Variants in DOCK11 observed in about 807,000 individuals in gnomAD.
DOCK11 encodes dedicator of cytokinesis 11.
DOCK11 carries 70 observed loss-of-function variants against 169.1 expected under a neutral mutation model. The ratio of observed to expected loss-of-function variants is 0.41; its 90% CI spans 0.34 to 0.51. The LOEUF (loss-of-function observed/expected upper bound fraction) is 0.51. DOCK11 is among the 20% of genes least tolerant of loss of function. The pLI is 0.10. For synonymous variants in DOCK11, 529 were observed against 541.3 expected, an observed-to-expected ratio of 0.98 and a Z score of 0.32; for missense variants, 1,166 against 1,538.8, an observed-to-expected ratio of 0.76 and a Z score of 4.05.
chrX:118,653,290 G>A (rs1269458997), intron 42 of DOCK11, among the ~76,000 whole-genome samples: 3 of 111,643 alleles, frequency 2.7e-5, no homozygotes, highest in African/African-American at 9.8e-5. Flanking sequence ...ACCCTATTAC[G>A]AAAAGATACA....
chrX:118,636,980 TTAGAGA>T (rs1207868937), intron 36 of DOCK11, among the ~76,000 whole-genome samples: 1 of 111,857 alleles, frequency 8.9e-6, no homozygotes, highest in Non-Finnish European at 1.9e-5. Flanking sequence ...AAAAGAAAAA[TTAGAGA>T]TAGAATGAAA....
chrX:118,620,721 G>A (rs1603125787), intron 31 of DOCK11, among the ~76,000 whole-genome samples: 1 of 112,244 alleles, frequency 8.9e-6, no homozygotes. Context: ...AATCAAGCTT[G>A]GTCAAGCCTT....
intron 52 of DOCK11, 140 bp downstream of exon 52, chrX:118,683,357 C>A: frequency 1.5e-6 from 1 of 646,551 alleles, no homozygotes; most frequent in East Asian, 3.8e-5. Context: ...TATCTTTAAT[C>A]ATTTAAGTGA....
In DOCK11 at chrX:118,683,066, T is replaced by C. The variant is rs367604887; in HGVS notation, c.5964-13T>C. The C allele has an allele frequency of 2.8e-5, 34 of 1,195,070 alleles. No individual in the cohort carries two copies. The highest frequency in any genetic ancestry group is 3.5e-5 in the Non-Finnish European group (31 of 887,900). On this transcript the variant is annotated splice_polypyrimidine_tract_variant and intron_variant, in intron 51 of 52. Transcript: ENST00000276202. ...TAAATAACAAGACCTTTATCTTTGA[T>C]ATTCATCCACAGGAAATTTATACAA... is the stretch of plus-strand genomic sequence containing the variant.
chrX:118,605,470 A>G, intron 24 of DOCK11, 114 bp downstream of exon 24: 1 of 474,325 alleles, frequency 2.1e-6, no homozygotes, highest in Non-Finnish European at 3.5e-6. Flanking sequence ...TGCATTCCAT[A>G]GGTTTTGGTA....
chrX:118,608,360 T>C lies in DOCK11; in HGVS notation c.2877+4T>C. ...ATCAATAAACAAATTGCTAAAGGTA[T>C]GAACACAGGACACAACAAGGAACAA... On this transcript the variant is annotated splice_donor_region_variant and intron_variant, in intron 26 of 52. Coordinates refer to ENST00000276202, the MANE Select transcript of DOCK11 (RefSeq NM_144658.4). The C allele has an allele frequency of 8.3e-7, 1 of 1,201,293 alleles. No homozygotes were observed.
At position 118,599,152 on chromosome X, in the gene DOCK11, A is replaced by G. The variant is rs779752721; in HGVS notation, c.2486A>G (p.His829Arg). 8.3e-7 allele frequency: 1 copy of G among 1,210,620 alleles called. No individual in the cohort carries two copies. Among genetic ancestry groups the G allele is most frequent in the South Asian group, 1.8e-5 (1 of 56,863 alleles). ...STIYTQDLHV[H>R]KFFHHCQLIQ... ...TCTGTGTTCCAGGATCTGCATGTGCACAAATTCTTCCATCATTGCCAGCTG... is the reference window on the plus strand; with the variant it reads ...TCTGTGTTCCAGGATCTGCATGTGCGCAAATTCTTCCATCATTGCCAGCTG... Residue 829 changes from histidine (H) to arginine (R), a missense_variant, in exon 23 of 53, where the codon CAC (histidine) becomes CGC (arginine). By Grantham distance (29) the His-to-Arg change is conservative. Coordinates refer to ENST00000276202, the MANE Select transcript of DOCK11 (RefSeq NM_144658.4).
At position 118,569,908 on chromosome X, in the gene DOCK11, C is replaced by T. The variant is rs141868779; in HGVS notation, c.1035+1746C>T. 4.4e-3 allele frequency among the ~76,000 whole-genome samples: 497 copies of T among 111,919 alleles called. 2 individuals carry two copies. Among genetic ancestry groups the T allele is most frequent in the African/African-American group, 0.015 (466 of 30,823 alleles). Reference sequence around the variant, plus strand: ...GTTTCATTGTATACAAAGGAGCCAACTGACTGTGGTTGAAACTAAATCCAG... The same window carrying T: ...GTTTCATTGTATACAAAGGAGCCAATTGACTGTGGTTGAAACTAAATCCAG... On this transcript the variant is annotated intron_variant, in intron 10 of 52. Transcript: ENST00000276202.
intron 47 of DOCK11, 145 bp downstream of exon 47, chrX:118,676,194 GGT>G: frequency 2.4e-6 from 1 of 414,092 alleles, no homozygotes; most frequent in Non-Finnish European, 4.2e-6. Flanking sequence ...AGTTCACTTT[GGT>G]TCTCATATCT....
intron 31 of DOCK11, among the ~76,000 whole-genome samples, chrX:118,620,892 G>C (rs961441034): frequency 1.8e-5 from 2 of 112,506 alleles, no homozygotes; most frequent in Non-Finnish European, 3.8e-5. Context: ...GCAAAAAGTT[G>C]TATATTTCTC....
chrX:118,521,173 G>A (rs2011259888), intron 1 of DOCK11, among the ~76,000 whole-genome samples: 1 of 112,439 alleles, frequency 8.9e-6, no homozygotes, highest in Non-Finnish European at 1.9e-5. Flanking sequence ...ATAGCTAAGT[G>A]ACTGAGAATG....
intron 12 of DOCK11, 127 bp downstream of exon 12, chrX:118,574,145 A>T (rs2013373562): frequency 1.4e-6 from 1 of 727,993 alleles, no homozygotes; most frequent in Admixed American, 4.0e-5. Flanking sequence ...GTCGATAGAG[A>T]TTTTTCTGGT....
At chrX:118,564,124 C>T (rs998244198) in intron 7 of DOCK11, among the ~76,000 whole-genome samples, 4 of 112,123 alleles carry the variant, frequency 3.6e-5, no homozygotes, top group African/African-American at 1.3e-4. Flanking sequence ...GGGGTTTCTG[C>T]ATGTTGGCCA....
chrX:118,599,965 T>C (rs1020145321), intron 23 of DOCK11, among the ~76,000 whole-genome samples: 7 of 112,282 alleles, frequency 6.2e-5, no homozygotes, highest in Non-Finnish European at 1.3e-4. Flanking sequence ...ATATGGGTTC[T>C]GGAATCATAA....
chrX:118,641,899 C>CT (rs1024442003), intron 39 of DOCK11, among the ~76,000 whole-genome samples: 1 of 111,177 alleles, frequency 9.0e-6, no homozygotes, highest in Non-Finnish European at 1.9e-5. Context: ...ATCTTGCTTG[C>CT]TTTCACTTCA....
chrX:118,616,516 G>A (rs753759824), intron 30 of DOCK11, among the ~76,000 whole-genome samples: 1 of 106,032 alleles, frequency 9.4e-6, no homozygotes, highest in Non-Finnish European at 1.9e-5. Context: ...ATGGGGAACT[G>A]GAAGTTACTT....
intron 28 of DOCK11, among the ~76,000 whole-genome samples, chrX:118,613,029 C>T (rs2014723015): frequency 8.9e-6 from 1 of 112,120 alleles, no homozygotes; most frequent in Admixed American, 9.5e-5. Flanking sequence ...ATCTTTTAGG[C>T]TCAGCTCTTC....
intron 28 of DOCK11, among the ~76,000 whole-genome samples, chrX:118,611,184 G>A (rs1237815494): frequency 8.9e-6 from 1 of 112,042 alleles, no homozygotes; most frequent in Non-Finnish European, 1.9e-5. Flanking sequence ...CTCACCAATA[G>A]GGAAGGAAGG....
rs1459618664 is a variant in DOCK11, at chrX:118,566,375, T to C, written c.871+193T>C. Among the ~76,000 whole-genome samples, 4 of 112,073 alleles carry C rather than the reference T, an allele frequency of 3.6e-5. No homozygotes were observed. In the South Asian group the frequency reaches 1.1e-3, roughly 31 times the overall value. ...TGCATGGGCTCTGACATATGAAATATAACCAGACTAAAACAGATAGAAAAT... is the reference window on the plus strand; with the variant it reads ...TGCATGGGCTCTGACATATGAAATACAACCAGACTAAAACAGATAGAAAAT... On this transcript the variant is annotated intron_variant, in intron 8 of 52. Transcript: ENST00000276202.
Sources: gnomAD v4.1 joint callset for allele counts (sites outside exome capture counted in the v4.1 genomes callset) on GRCh38, gnomAD v4.1.1 for gene constraint, MANE v1.5 for transcripts, NCBI Gene and HGNC (gene_info 2026-07-23, HGNC 2026-07-21) for gene names.